Variants in RELL1 observed in about 807,000 individuals in gnomAD.
RELL1 encodes the protein RELT like 1, also known as RELT-like protein 1.
In RELL1, 10 loss-of-function variants were observed where a neutral mutation model predicts 23.0. That is an observed-to-expected ratio of 0.43 (90% CI 0.27 to 0.74). The LOEUF is 0.74. Ranked by LOEUF, RELL1 falls within the 30% of genes least tolerant of loss-of-function variation. The probability of loss-of-function intolerance (pLI) is 0.19; values close to 1 mark genes in which losing one functional copy is unlikely to be tolerated. For missense variants in RELL1, 315 were observed against 364.4 expected, an observed-to-expected ratio of 0.86 and a Z score of 1.10; for synonymous variants, 146 against 146.8, an observed-to-expected ratio of 0.99 and a Z score of 0.04.
At chr4:37,649,253 T>C in intron 2 of RELL1, 23 bp downstream of exon 2, 21 of 1,589,232 alleles carry the variant, frequency 1.3e-5, no homozygotes, top group Non-Finnish European at 1.8e-5. Context: ...TCACCCCCAA[T>C]AAAAAGAGCC....
At chr4:37,610,425 C>A (rs2063300), downstream of RELL1, among the ~76,000 whole-genome samples, 22,806 of 151,944 alleles carry the variant, frequency 0.15, 2,066 homozygotes, top group East Asian at 0.4. This position sits in a 1 kb window ranked among gnomAD's most constrained non-coding sequence, Gnocchi z 4.1. Flanking sequence ...GGGGCTGAAC[C>A]CACAGTATCT....
chr4:37,674,741 C>T (rs577658153), intron 1 of RELL1, among the ~76,000 whole-genome samples: 74 of 24,270 alleles, frequency 3.0e-3, no homozygotes, highest in East Asian at 0.021. Context: ...TACTGTGATA[C>T]AAAAGCCCAG....
intron 1 of RELL1, among the ~76,000 whole-genome samples, chr4:37,661,038 A>C (rs1271501474): frequency 1.3e-5 from 2 of 151,636 alleles, no homozygotes; most frequent in Non-Finnish European, 2.9e-5. Flanking sequence ...CTCAAAAAAA[A>C]AAAACAAAAA....
rs1225247459 is a variant in RELL1, at chr4:37,612,936, AC to A, written c.*409del. 1 of 152,246 alleles carries A rather than the reference AC, an allele frequency of 6.6e-6. No individual in the cohort carries two copies. The allele number at this position is 152,246 out of a possible 1,614,324, so 9.4% of individuals were successfully genotyped here. ...GAACTGGAAAAAGAAACACACACTC[AC>A]GTGCACACATGCATACACATATACA... On this transcript the variant is annotated 3_prime_UTR_variant, in exon 7 of 7. Transcript: ENST00000454158.
intron 6 of RELL1, among the ~76,000 whole-genome samples, chr4:37,598,252 C>CAAAAAAAAAA (rs56142508): frequency 3.5e-4 from 4 of 11,342 alleles, no homozygotes; most frequent in Non-Finnish European, 5.7e-4. Context: ...AACTCTGTCT[C>CAAAAAAAAAA]AAAAAAAAAA....
At chr4:37,642,661 C>A (rs778025067) in intron 3 of RELL1, among the ~76,000 whole-genome samples, 3 of 152,118 alleles carry the variant, frequency 2.0e-5, no homozygotes, top group African/African-American at 4.8e-5. Flanking sequence ...TACACTAATG[C>A]GGTGACTTGG....
intron 6 of RELL1, among the ~76,000 whole-genome samples, chr4:37,615,819 A>G (rs1719556205): frequency 6.6e-6 from 1 of 152,214 alleles, no homozygotes; most frequent in African/African-American, 2.4e-5. Context: ...GAACAAAGGA[A>G]GAGGTTGTCT....
chr4:37,644,682 A>G (rs928219249), intron 3 of RELL1, among the ~76,000 whole-genome samples: 1 of 151,440 alleles, frequency 6.6e-6, no homozygotes, highest in Non-Finnish European at 1.5e-5. Context: ...CTGGTCTCGA[A>G]CTCCTGACCT....
intron 4 of RELL1, among the ~76,000 whole-genome samples, chr4:37,637,369 A>G (rs1720368735): frequency 6.6e-6 from 1 of 152,254 alleles, no homozygotes. Flanking sequence ...GCAAGTGAAG[A>G]AAGATCCAGC....
chr4:37,648,170 AC>A (rs1438121954), intron 2 of RELL1, among the ~76,000 whole-genome samples: 1 of 152,252 alleles, frequency 6.6e-6, no homozygotes, highest in African/African-American at 2.4e-5. Context: ...GCTTTCCTCC[AC>A]GTGAACATGC....
rs902331196 is a variant in RELL1, at chr4:37,612,527, T to G, written c.*819A>C. Among the ~76,000 whole-genome samples the G allele has an allele frequency of 2.0e-5, 3 of 151,248 alleles. No homozygotes were observed. Among genetic ancestry groups the G allele is most frequent in the Admixed American group, 1.3e-4 (2 of 15,184 alleles). On this transcript the variant is annotated 3_prime_UTR_variant, in exon 7 of 7. Transcript: ENST00000454158. Reference sequence around the variant, plus strand: ...GGTGCATGCCTGTAATCCCAGCTACTTGGGAGGCTGAGGCAGGAGAATCGC... The same window carrying G: ...GGTGCATGCCTGTAATCCCAGCTACGTGGGAGGCTGAGGCAGGAGAATCGC...
intron 6 of RELL1, among the ~76,000 whole-genome samples, chr4:37,629,781 C>T (rs1323753668): frequency 6.6e-6 from 1 of 152,204 alleles, no homozygotes; most frequent in East Asian, 1.9e-4. Context: ...ACCCTCTGAG[C>T]CCGGCAGATT....
At chr4:37,601,634 A>G (rs781078826) in intron 6 of RELL1, among the ~76,000 whole-genome samples, 17 of 152,368 alleles carry the variant, frequency 1.1e-4, no homozygotes, top group Admixed American at 2.0e-4. Flanking sequence ...GCATTTCACA[A>G]CAGAAACCGC....
intron 6 of RELL1, chr4:37,623,632 G>A (rs1719841974): frequency 6.6e-6 from 1 of 152,272 alleles, no homozygotes; most frequent in Non-Finnish European, 1.5e-5. Flanking sequence ...ACAGAGCAGG[G>A]CCTGGGCAGA....
chr4:37,598,272 A>AAG, intron 6 of RELL1, among the ~76,000 whole-genome samples: 1 of 141,564 alleles, frequency 7.1e-6, no homozygotes, highest in African/African-American at 2.5e-5. Context: ...AAAAAAAAAA[A>AAG]AAAAAAAAAA....
rs960535670 is a variant in RELL1 at position 37,611,898 on chromosome 4, G to T, written c.*1448C>A. On this transcript the variant is annotated 3_prime_UTR_variant, in exon 7 of 7. Coordinates refer to ENST00000454158, the MANE Select transcript of RELL1 (RefSeq NM_001085400.2). ...TATATGAGAAGCAGGGTTCTAGGCC[G>T]GGCGCAGTGGCTCAAGCCTGTAATC... 1.3e-5 allele frequency among the ~76,000 whole-genome samples: 2 copies of T among 151,626 alleles called. No homozygotes were observed. The highest frequency in any genetic ancestry group is 2.9e-5 in the Non-Finnish European group (2 of 67,872).
intron 1 of RELL1, among the ~76,000 whole-genome samples, chr4:37,660,178 A>C (rs1439228929): frequency 6.6e-6 from 1 of 151,956 alleles, no homozygotes; most frequent in Admixed American, 6.6e-5. Context: ...AAATGTCTAA[A>C]TGTTCATTTC....
intron 1 of RELL1, among the ~76,000 whole-genome samples, chr4:37,657,550 A>G (rs1721166721): frequency 6.6e-6 from 1 of 152,214 alleles, no homozygotes; most frequent in Non-Finnish European, 1.5e-5. Context: ...GGAGTTAAAT[A>G]TCTGAATAGA....
chr4:37,605,827 G>GAAA (rs1156849511), downstream of RELL1, among the ~76,000 whole-genome samples: 1 of 109,870 alleles, frequency 9.1e-6, no homozygotes, highest in African/African-American at 2.9e-5. Context: ...AAGAAAGAAA[G>GAAA]AAAGAAAGAA....
Sources: gnomAD v4.1 joint callset for allele counts (sites outside exome capture counted in the v4.1 genomes callset) on GRCh38, gnomAD v4.1.1 for gene constraint, Gnocchi (gnomAD v3.1) non-coding constraint, MANE v1.5 for transcripts, NCBI Gene and HGNC (gene_info 2026-07-23, HGNC 2026-07-21) for gene names.